The following FAM184A variants were observed in gnomAD, a reference collection of about 807,000 sequenced individuals.
FAM184A encodes protein FAM184A.
FAM184A carries 99 observed loss-of-function variants against 143.8 expected under a neutral mutation model. That is an observed-to-expected ratio of 0.69 (90% CI 0.58 to 0.81). The LOEUF (loss-of-function observed/expected upper bound fraction) is 0.81. Ranked by LOEUF, FAM184A falls within the 40% of genes least tolerant of loss-of-function variation. The probability of loss-of-function intolerance (pLI) is 0.00; values close to 1 mark genes in which losing one functional copy is unlikely to be tolerated. For missense variants in FAM184A, 1,217 were observed against 1,310.5 expected (o/e 0.93, Z 1.10); for synonymous variants, 427 against 446.4 (o/e 0.96, Z 0.55).
chr6:119,119,412 C>T (rs1789149926), intron 1 of FAM184A, among the ~76,000 whole-genome samples: 1 of 152,154 alleles, frequency 6.6e-6, no homozygotes, highest in South Asian at 2.1e-4. Flanking sequence ...GTGAAGTCTC[C>T]CCCGGACACC....
chr6:119,008,905 A>G (rs1785007559), intron 6 of FAM184A, among the ~76,000 whole-genome samples: 1 of 152,216 alleles, frequency 6.6e-6, no homozygotes, highest in Non-Finnish European at 1.5e-5. Context: ...TGGGGCTTAC[A>G]AGACCTCCAC....
In FAM184A at chr6:119,002,984, A is replaced by G. The variant is rs1784809892; in HGVS notation, c.2003T>C (p.Met668Thr). 8 of 1,612,928 alleles carry G rather than the reference A, an allele frequency of 5.0e-6. No homozygotes were observed. The highest frequency in any genetic ancestry group is 1.1e-5 in the South Asian group (1 of 90,980). Residue 668 changes from methionine to threonine, a missense_variant, in exon 9 of 18, where the codon ATG (methionine) becomes ACG (threonine). Coordinates refer to ENST00000338891, the MANE Select transcript of FAM184A (RefSeq NM_024581.6). ...ATCTTTCAACTGCAAAAGTTGAGAC[A>G]TTGCTGACTTCTTATCCTCTTCATG... ...LQHEEDKKSAMSQLLQLKDRE... is the reference protein window; with the variant it reads ...LQHEEDKKSATSQLLQLKDRE...
chr6:119,006,056 T>G (rs778097258), intron 7 of FAM184A: 4 of 764,154 alleles, frequency 5.2e-6, no homozygotes, highest in Non-Finnish European at 9.6e-6. Flanking sequence ...GTTAAGATGA[T>G]GTCAAACTGG....
At chr6:119,001,510 T>C (rs1176516727) in intron 9 of FAM184A, among the ~76,000 whole-genome samples, 1 of 151,880 alleles carries the variant, frequency 6.6e-6, no homozygotes, top group Non-Finnish European at 1.5e-5. Flanking sequence ...AACCACAAGA[T>C]GCAAAGCATT....
At chr6:118,987,539 A>T (rs974795936) in intron 9 of FAM184A, among the ~76,000 whole-genome samples, 10 of 152,200 alleles carry the variant, frequency 6.6e-5, no homozygotes, top group African/African-American at 1.9e-4. Flanking sequence ...ACATAAGTAA[A>T]GAGTGATCAC....
chr6:119,131,130 A>G (rs1364287509), intron 1 of FAM184A, among the ~76,000 whole-genome samples: 1 of 152,080 alleles, frequency 6.6e-6, no homozygotes, highest in Non-Finnish European at 1.5e-5. Context: ...AAGTGTTGGG[A>G]TTACAGGTGT....
At chr6:118,990,092 C>T (rs1390733086) in intron 9 of FAM184A, among the ~76,000 whole-genome samples, 1 of 152,212 alleles carries the variant, frequency 6.6e-6, no homozygotes, top group Non-Finnish European at 1.5e-5. Context: ...TCCCACAGTG[C>T]TGGGATTACA....
In FAM184A at chr6:119,089,016, T is replaced by A. The variant is rs114438960; in HGVS notation, c.-202+60062A>T. 3.7e-3 allele frequency among the ~76,000 whole-genome samples: 557 copies of A among 152,034 alleles called. 4 individuals carry two copies. The highest frequency in any genetic ancestry group is 0.013 in the African/African-American group (525 of 41,454). ...ACTAAATGATCTTGAGTATTTCTTA[T>A]ATCTCTCTCATGTTACATGTTGAAT... On this transcript the variant is annotated intron_variant, in intron 1 of 16. Transcript: ENST00000352896.
chr6:119,134,386 T>C (rs1789608035), intron 1 of FAM184A, among the ~76,000 whole-genome samples: 1 of 152,174 alleles, frequency 6.6e-6, no homozygotes, highest in Non-Finnish European at 1.5e-5. Context: ...AATAGATTGA[T>C]ACAAATTTAA....
intron 1 of FAM184A, among the ~76,000 whole-genome samples, chr6:119,100,048 G>A (rs76164883): frequency 0.031 from 4,734 of 152,266 alleles, 430 homozygotes; most frequent in Admixed American, 0.18. Flanking sequence ...CTATCTCCAG[G>A]TAGGTGGTGT....
intron 4 of FAM184A, among the ~76,000 whole-genome samples, chr6:119,019,344 A>G (rs1218365236): frequency 1.3e-5 from 2 of 152,222 alleles, no homozygotes; most frequent in African/African-American, 4.8e-5. Flanking sequence ...GCAAAAGCAA[A>G]TTCTGTGGAC....
intron 1 of FAM184A, among the ~76,000 whole-genome samples, chr6:119,103,264 C>T (rs565860549): frequency 1.3e-5 from 2 of 152,238 alleles, no homozygotes; most frequent in African/African-American, 4.8e-5. Context: ...AGTGGAAAGA[C>T]GAAATGAAGC....
intron 1 of FAM184A, among the ~76,000 whole-genome samples, chr6:119,070,573 C>G (rs1273740187): frequency 6.6e-6 from 1 of 151,970 alleles, no homozygotes; most frequent in Non-Finnish European, 1.5e-5. Flanking sequence ...TGATATGATT[C>G]CCCCATATCA....
At chr6:118,971,196 CCT>C (rs1783685517) in intron 14 of FAM184A, among the ~76,000 whole-genome samples, 1 of 152,156 alleles carries the variant, frequency 6.6e-6, no homozygotes, top group Non-Finnish European at 1.5e-5. Context: ...TACTTCCGTA[CCT>C]CACAAAGCTT....
At chr6:118,997,008 G>A (rs1784584466) in intron 9 of FAM184A, among the ~76,000 whole-genome samples, 1 of 151,236 alleles carries the variant, frequency 6.6e-6, no homozygotes, top group Non-Finnish European at 1.5e-5. Context: ...ACAGGCGTGA[G>A]CCACCAGACC....
At chr6:119,035,682 G>A (rs928655015) in intron 1 of FAM184A, among the ~76,000 whole-genome samples, 5 of 151,918 alleles carry the variant, frequency 3.3e-5, no homozygotes, top group Non-Finnish European at 7.4e-5. Context: ...TAAAACCTTC[G>A]TCTCCACAAC....
At position 119,078,220 on chromosome 6, in the gene FAM184A, G is replaced by T. The variant is rs192266016; in HGVS notation, c.80C>A (p.Ala27Glu). 3.2e-4 allele frequency: 491 copies of T among 1,549,732 alleles called. 2 individuals are homozygous for T. The African/African-American group carries it at 6.0e-3, about 19-fold the overall frequency. ...AAKFAPSPAT[A>E]QLAGHSMDYS... ...GTCCATGCTGTGCCCAGCCAGCTGTGCGGTGGCCGGCGAGGGCGCGAATTT... is the reference window on the plus strand; with the variant it reads ...GTCCATGCTGTGCCCAGCCAGCTGTTCGGTGGCCGGCGAGGGCGCGAATTT... Residue 27 changes from alanine to glutamate, a missense_variant, in exon 1 of 18, where the codon GCA becomes GAA. Ala to Glu is a moderately radical substitution (Grantham distance 107). Transcript: ENST00000338891. This position sits in a 1 kb window ranked among gnomAD's most constrained non-coding sequence, Gnocchi z 5.5.
chr6:119,034,041 T>TATAGAGAGAGAGAG (rs1409214932), intron 1 of FAM184A, among the ~76,000 whole-genome samples: 1 of 42,004 alleles, frequency 2.4e-5, no homozygotes, highest in African/African-American at 1.1e-4. Flanking sequence ...TATATATATA[T>TATAGAGAGAGAGAG]AGAGAGAGAG....
At chr6:119,031,078 T>C (rs1472399993) in intron 1 of FAM184A, among the ~76,000 whole-genome samples, 1 of 152,146 alleles carries the variant, frequency 6.6e-6, no homozygotes, top group Admixed American at 6.5e-5. Context: ...ACTTTTCCTA[T>C]GATAAATCTT....
Sources: allele counts gnomAD v4.1 joint callset (sites outside exome capture counted in the v4.1 genomes callset), GRCh38; gene constraint gnomAD v4.1.1; non-coding constraint Gnocchi (gnomAD v3.1); transcripts MANE v1.5; gene names NCBI Gene and HGNC (gene_info 2026-07-23, HGNC 2026-07-21).